STXBP5L: variants seen among roughly 807,000 people sequenced by gnomAD.
STXBP5L encodes the protein syntaxin-binding protein 5-like.
STXBP5L carries 65 observed loss-of-function variants against 144.5 expected under a neutral mutation model. That is an observed-to-expected ratio of 0.45 (90% CI 0.37 to 0.55). STXBP5L has a LOEUF of 0.55. Ranked by LOEUF, STXBP5L falls within the 20% of genes least tolerant of loss-of-function variation. STXBP5L has a pLI of 0.00. For missense variants in STXBP5L, 1,298 were observed against 1,405.5 expected, an observed-to-expected ratio of 0.92 and a Z score of 1.22; for synonymous variants, 505 against 469.6, an observed-to-expected ratio of 1.08 and a Z score of -0.97.
At chr3:120,972,763 A>G (rs1422496586) in intron 3 of STXBP5L, among the ~76,000 whole-genome samples, 1 of 151,978 alleles carries the variant, frequency 6.6e-6, no homozygotes, top group East Asian at 1.9e-4. Flanking sequence ...GTTTGTTGAG[A>G]ATTGTTATCA....
intron 5 of STXBP5L, among the ~76,000 whole-genome samples, chr3:121,103,208 G>T (rs1284534612): frequency 6.8e-6 from 1 of 148,082 alleles, no homozygotes; most frequent in African/African-American, 2.4e-5. Context: ...TATATCCATA[G>T]AAAAATAAAT....
At chr3:121,316,835 C>G (rs1489431532) in intron 19 of STXBP5L, among the ~76,000 whole-genome samples, 2 of 152,198 alleles carry the variant, frequency 1.3e-5, no homozygotes, top group African/African-American at 4.8e-5. Flanking sequence ...CAGTTCCTTT[C>G]TCTGCCCATT....
chr3:121,270,908 A>G (rs2050716487), intron 18 of STXBP5L, among the ~76,000 whole-genome samples: 1 of 152,194 alleles, frequency 6.6e-6, no homozygotes, highest in Non-Finnish European at 1.5e-5. Flanking sequence ...TTCTCAGTTT[A>G]TCTTATCAGA....
chr3:121,091,785 T>A (rs1480823892), intron 5 of STXBP5L, among the ~76,000 whole-genome samples: 1 of 152,202 alleles, frequency 6.6e-6, no homozygotes, highest in African/African-American at 2.4e-5. Flanking sequence ...TTTAATTAGA[T>A]CCCATTTGTC....
At chr3:121,346,526 C>A (rs888961249) in intron 20 of STXBP5L, among the ~76,000 whole-genome samples, 5 of 152,150 alleles carry the variant, frequency 3.3e-5, no homozygotes, top group Non-Finnish European at 5.9e-5. Flanking sequence ...GGAATCGCCA[C>A]ACTGTCTTCC....
intron 10 of STXBP5L, among the ~76,000 whole-genome samples, chr3:121,221,993 T>C (rs2048987400): frequency 6.6e-6 from 1 of 152,040 alleles, no homozygotes; most frequent in South Asian, 2.1e-4. Flanking sequence ...ACAGAGCGAT[T>C]TCTAGAAACA....
At chr3:121,185,587 TGTCAAAGATCGGATG>T (rs1264367335) in intron 9 of STXBP5L, among the ~76,000 whole-genome samples, 2 of 152,222 alleles carry the variant, frequency 1.3e-5, no homozygotes, top group African/African-American at 4.8e-5. Context: ...TTGTCAGGTT[TGTCAAAGATCGGATG>T]GTTGTAGATA....
intron 11 of STXBP5L, among the ~76,000 whole-genome samples, chr3:121,232,398 A>G (rs1427394992): frequency 6.6e-6 from 1 of 152,140 alleles, no homozygotes; most frequent in African/African-American, 2.4e-5. Flanking sequence ...CCACAAAATA[A>G]AAATAAAAAA....
intron 3 of STXBP5L, among the ~76,000 whole-genome samples, chr3:121,006,475 C>G (rs982138529): frequency 6.6e-6 from 1 of 152,152 alleles, no homozygotes; most frequent in Non-Finnish European, 1.5e-5. Context: ...TTCCTCAATA[C>G]AGCACACTGA....
At chr3:121,168,923 T>G (rs2046599490) in intron 9 of STXBP5L, among the ~76,000 whole-genome samples, 1 of 152,048 alleles carries the variant, frequency 6.6e-6, no homozygotes. Flanking sequence ...GAAAAAACAT[T>G]AAGGGCAGCC....
In STXBP5L at chr3:121,033,261, G is replaced by A. The variant is rs1352059210; in HGVS notation, c.288-8439G>A. Among the ~76,000 whole-genome samples, 4 of 133,274 alleles carry A rather than the reference G, an allele frequency of 3.0e-5. No homozygotes were observed. In the East Asian group the frequency reaches 6.6e-4, roughly 22 times the overall value. 87.4% of individuals were successfully genotyped at this position (133,274 alleles called of 152,430 possible). On this transcript the variant is annotated intron_variant, in intron 3 of 26. Coordinates refer to ENST00000471454, the MANE Select transcript of STXBP5L (RefSeq NM_001308330.2). The stretch of plus-strand genomic sequence containing the variant: ...CAGCCATAAAAAATGATGAGTTCAT[G>A]TCCTTTGTAGGGACATGGATGAAAT...
intron 3 of STXBP5L, among the ~76,000 whole-genome samples, chr3:120,992,015 G>T (rs986117832): frequency 2.0e-5 from 3 of 151,922 alleles, no homozygotes; most frequent in East Asian, 1.9e-4. Context: ...TATTTATATG[G>T]TATATTTCTT....
chr3:121,157,474 C>T (rs933318829), intron 8 of STXBP5L, 30 bp from the exon 9 acceptor site: 1 of 1,540,150 alleles, frequency 6.5e-7, no homozygotes, highest in African/African-American at 1.4e-5. Flanking sequence ...TTTTTTCCCC[C>T]TCTACTTGTT....
intron 3 of STXBP5L, among the ~76,000 whole-genome samples, chr3:120,955,269 T>C (rs1937898479): frequency 6.6e-6 from 1 of 152,052 alleles, no homozygotes; most frequent in Admixed American, 6.6e-5. Flanking sequence ...TATCTTCTCT[T>C]TTTTCCTTAT....
intron 20 of STXBP5L, among the ~76,000 whole-genome samples, chr3:121,365,075 CAT>C (rs2045825723): frequency 6.6e-6 from 1 of 151,780 alleles, no homozygotes; most frequent in Admixed American, 6.6e-5. Context: ...TTAATTTTCA[CAT>C]GTTAAATCAT....
chr3:121,419,663 T>C lies in STXBP5L; in HGVS notation c.*566T>C, dbSNP rs2047317327. The C allele has an allele frequency of 6.6e-6, 1 of 152,308 alleles. No homozygotes were observed. The highest frequency in any genetic ancestry group is 1.5e-5 in the Non-Finnish European group (1 of 68,114). The allele number at this position is 152,308 out of a possible 1,614,324, so 9.4% of individuals were successfully genotyped here. A position where few individuals can be genotyped will look rare whatever the true frequency, so the allele number is the denominator to read the frequency against. ...ACAAGAACCCAGAGTTTTCTCCTCA[T>C]CTGTAACTTTCATTGTACTAGAACC... is the stretch of plus-strand genomic sequence containing the variant. On this transcript the variant is annotated 3_prime_UTR_variant, in exon 27 of 27. Transcript: ENST00000471454.
chr3:121,049,743 GC>G (rs1576777067), intron 5 of STXBP5L: 1 of 154,316 alleles, frequency 6.5e-6, no homozygotes, highest in African/African-American at 2.4e-5. Flanking sequence ...CATGGATTCA[GC>G]CCCTTTCCTG....
chr3:120,955,036 A>G lies in STXBP5L; in HGVS notation c.286A>G (p.Ile96Val), dbSNP rs769765531. Residue 96 changes from isoleucine to valine, a missense_variant and splice_region_variant, in exon 3 of 27, where the codon ATA becomes GTA. Coordinates refer to ENST00000471454, the MANE Select transcript of STXBP5L (RefSeq NM_001308330.2). ...TGGGACGAGAACAGGTGCTATACGA[A>G]TGTATCCTTAAATTTTGGTTCATTA... Reference protein sequence around the residue: ...AIGTRTGAIRILGRPGVDCYC... With the variant: ...AIGTRTGAIRVLGRPGVDCYC... The G allele has an allele frequency of 3.1e-6, 5 of 1,610,274 alleles. No homozygotes were observed. The highest frequency in any genetic ancestry group is 1.7e-5 in the Admixed American group (1 of 59,630).
chr3:121,379,871 G>T (rs1024620091), intron 21 of STXBP5L, among the ~76,000 whole-genome samples: 1 of 152,118 alleles, frequency 6.6e-6, no homozygotes, highest in African/African-American at 2.4e-5. Flanking sequence ...ATCTCATTCT[G>T]TTGCTGAGGT....
Sources: allele counts gnomAD v4.1 joint callset (sites outside exome capture counted in the v4.1 genomes callset), GRCh38; gene constraint gnomAD v4.1.1; transcripts MANE v1.5; gene names NCBI Gene and HGNC (gene_info 2026-07-23, HGNC 2026-07-21).